The following MCC variants were observed in gnomAD, a reference collection of about 807,000 sequenced individuals.
MCC encodes the protein MCC regulator of Wnt signaling pathway, also known as colorectal mutant cancer protein.
Under a neutral mutation model 116.2 loss-of-function variants are expected in MCC, and 90 were observed. The observed-to-expected ratio is 0.77, with a 90% CI of 0.65 to 0.92. The LOEUF (loss-of-function observed/expected upper bound fraction) is 0.92, where lower values mean the gene tolerates loss of function less well. Ranked by LOEUF, MCC falls within the 40% of genes least tolerant of loss-of-function variation. MCC has a pLI of 0.00. For synonymous variants in MCC, 578 were observed against 510.5 expected (o/e 1.13, Z -1.78); for missense variants, 1,516 against 1,312.2 (o/e 1.16, Z -2.40).
intron 17 of MCC, among the ~76,000 whole-genome samples, chr5:113,030,944 G>A (rs768763070): frequency 1.3e-5 from 2 of 152,188 alleles, no homozygotes; most frequent in African/African-American, 2.4e-5. Flanking sequence ...TCTGTAAAGT[G>A]CGAGTTAGAG....
At chr5:113,128,076 G>C (rs904106796) in intron 5 of MCC, among the ~76,000 whole-genome samples, 6 of 152,228 alleles carry the variant, frequency 3.9e-5, no homozygotes, top group Non-Finnish European at 1.5e-5. Flanking sequence ...AATCAGAAGA[G>C]GGAAAAGTCA....
intron 3 of MCC, among the ~76,000 whole-genome samples, chr5:113,254,554 T>A (rs1373338461): frequency 6.6e-6 from 1 of 152,170 alleles, no homozygotes; most frequent in Non-Finnish European, 1.5e-5. Context: ...CAAGGCTATA[T>A]AAGAACATCA....
chr5:113,153,480 G>T (rs1317036532), intron 3 of MCC, among the ~76,000 whole-genome samples: 1 of 152,198 alleles, frequency 6.6e-6, no homozygotes, highest in African/African-American at 2.4e-5. Context: ...GGCTTAGAGT[G>T]ATAATACCTT....
chr5:113,289,328 CAAA>C (rs11388557), intron 3 of MCC, among the ~76,000 whole-genome samples: 2 of 86,020 alleles, frequency 2.3e-5, no homozygotes, highest in Admixed American at 1.4e-4. Context: ...GGCTCCATCT[CAAA>C]AAAAAAAAAA....
chr5:113,377,747 T>C (rs937790781), intron 2 of MCC, among the ~76,000 whole-genome samples: 4 of 152,240 alleles, frequency 2.6e-5, no homozygotes, highest in Admixed American at 1.3e-4. Context: ...ACTTAATCTA[T>C]AGATAGTTGC....
Position 113,442,466 on chromosome 5 carries a change from G to A in MCC, c.170+45779C>T, listed in dbSNP as rs537549129. On this transcript the variant is annotated intron_variant, in intron 1 of 18. Coordinates refer to ENST00000408903, the MANE Select transcript of MCC (RefSeq NM_001085377.2). ...TGTAGGTTGCCTGTTCACTCTGATG[G>A]CAGTTTCTTTTGCCCTGCAGAAGCT... Among the ~76,000 whole-genome samples, 18 of 152,276 alleles carry A rather than the reference G, an allele frequency of 1.2e-4. No individual in the cohort carries two copies. In the South Asian group the frequency reaches 2.7e-3, roughly 23 times the overall value.
intron 1 of MCC, among the ~76,000 whole-genome samples, chr5:113,418,822 C>A (rs1024034342): frequency 6.6e-6 from 1 of 152,098 alleles, no homozygotes; most frequent in Non-Finnish European, 1.5e-5. Flanking sequence ...TTAATTATTT[C>A]CTGACAAGTT....
intron 5 of MCC, among the ~76,000 whole-genome samples, chr5:113,124,552 G>T (rs1757931642): frequency 6.6e-6 from 1 of 152,186 alleles, no homozygotes; most frequent in African/African-American, 2.4e-5. Context: ...AACCTGGCTT[G>T]GCAGATTCGA....
chr5:113,130,130 A>G (rs1020754558), intron 5 of MCC, among the ~76,000 whole-genome samples: 1 of 152,268 alleles, frequency 6.6e-6, no homozygotes, highest in Non-Finnish European at 1.5e-5. Flanking sequence ...TGTGGCACAT[A>G]TATACCATGG....
intron 1 of MCC, among the ~76,000 whole-genome samples, chr5:113,450,377 C>A (rs2150419770): frequency 6.6e-6 from 1 of 152,286 alleles, no homozygotes; most frequent in East Asian, 1.9e-4. Flanking sequence ...GTGGAGTTAG[C>A]TATGGGCCTC....
chr5:113,053,947 G>T lies in MCC; in HGVS notation c.2226C>A (p.Ser742=). The part of the protein sequence containing the change: ...SSNSHTSTTS[S]TASSCDTEFT... Reference sequence around the variant, plus strand: ...ACTCGGTGTCGCAACTACTGGCTGTGGAGCTGGTTGTGCTGAGAAAGAAGA... The same window carrying T: ...ACTCGGTGTCGCAACTACTGGCTGTTGAGCTGGTTGTGCTGAGAAAGAAGA... The change falls in exon 15 of 19, where the codon TCC becomes TCA. Residue 742 remains serine, a synonymous_variant. Coordinates refer to ENST00000408903, the MANE Select transcript of MCC (RefSeq NM_001085377.2). 5 of 1,611,652 alleles carry T rather than the reference G, an allele frequency of 3.1e-6. No homozygotes were observed. Among genetic ancestry groups the T allele is most frequent in the Non-Finnish European group, 4.2e-6 (5 of 1,178,028 alleles).
intron 3 of MCC, among the ~76,000 whole-genome samples, chr5:113,202,850 G>A (rs1164054989): frequency 1.3e-5 from 2 of 150,816 alleles, no homozygotes; most frequent in Admixed American, 6.6e-5. Flanking sequence ...ACTTTATGGC[G>A]TCCGTGTTAG....
At chr5:113,229,676 G>A (rs1179386423) in intron 3 of MCC, among the ~76,000 whole-genome samples, 1 of 152,164 alleles carries the variant, frequency 6.6e-6, no homozygotes, top group African/African-American at 2.4e-5. Flanking sequence ...ATATACAACG[G>A]TGGTCCTGTA....
intron 3 of MCC, among the ~76,000 whole-genome samples, chr5:113,265,737 T>A (rs541181479): frequency 1.0e-3 from 152 of 152,236 alleles, no homozygotes; most frequent in African/African-American, 3.5e-3. Context: ...CTTCCCTCAC[T>A]GCAGGCCAAC....
chr5:113,129,402 T>C (rs1342568595), intron 5 of MCC, among the ~76,000 whole-genome samples: 1 of 152,206 alleles, frequency 6.6e-6, no homozygotes, highest in Non-Finnish European at 1.5e-5. Flanking sequence ...AGAAAGGTGT[T>C]TCAGTCAGCT....
intron 1 of MCC, among the ~76,000 whole-genome samples, chr5:113,389,827 C>T (rs1446307368): frequency 6.6e-6 from 1 of 152,088 alleles, no homozygotes; most frequent in Non-Finnish European, 1.5e-5. Flanking sequence ...TAAAGAGGGT[C>T]CCCACTTTGG....
intron 15 of MCC, among the ~76,000 whole-genome samples, chr5:113,051,853 G>A (rs1439068644): frequency 6.6e-6 from 1 of 152,156 alleles, no homozygotes; most frequent in Non-Finnish European, 1.5e-5. Context: ...TTGGATCCTA[G>A]AAACTGGTGA....
chr5:113,321,138 C>A (rs1467975695), intron 3 of MCC, among the ~76,000 whole-genome samples: 1 of 152,110 alleles, frequency 6.6e-6, no homozygotes, highest in African/African-American at 2.4e-5. Context: ...AAAACAGAAA[C>A]AAGGATAATA....
At chr5:113,463,813 C>T (rs1225050560) in intron 1 of MCC, among the ~76,000 whole-genome samples, 2 of 152,024 alleles carry the variant, frequency 1.3e-5, no homozygotes, top group East Asian at 1.9e-4. Flanking sequence ...AGAGACGAAA[C>T]GTAAATACCT....
Sources: allele counts gnomAD v4.1 joint callset (sites outside exome capture counted in the v4.1 genomes callset), GRCh38; gene constraint gnomAD v4.1.1; transcripts MANE v1.5; gene names NCBI Gene and HGNC (gene_info 2026-07-23, HGNC 2026-07-21).